Variants in PTPRD observed in about 807,000 individuals in gnomAD.
PTPRD encodes protein tyrosine phosphatase receptor type D.
A neutral mutation model predicts 214.5 loss-of-function variants in PTPRD; 34 were observed. That is an observed-to-expected ratio of 0.16 (90% CI 0.12 to 0.21). The LOEUF (loss-of-function observed/expected upper bound fraction) is 0.21. Ranked by LOEUF, PTPRD falls within the 10% of genes least tolerant of loss-of-function variation. The probability of loss-of-function intolerance (pLI) is 1.00; values close to 1 mark genes in which losing one functional copy is unlikely to be tolerated. For missense variants in PTPRD, 2,545 were observed against 2,398.7 expected, an observed-to-expected ratio of 1.06 and a Z score of -1.27; for synonymous variants, 1,128 against 845.7, an observed-to-expected ratio of 1.33 and a Z score of -5.79.
chr9:9,237,018 TG>T (rs2099967243), intron 9 of PTPRD, among the ~76,000 whole-genome samples: 1 of 152,214 alleles, frequency 6.6e-6, no homozygotes, highest in African/African-American at 2.4e-5. Flanking sequence ...GATATAACTT[TG>T]GTTCTTATTT....
intron 11 of PTPRD, among the ~76,000 whole-genome samples, chr9:8,906,725 T>TA (rs1354443619): frequency 2.0e-5 from 3 of 151,976 alleles, no homozygotes; most frequent in African/African-American, 7.3e-5. Flanking sequence ...ACAATTCTAT[T>TA]ATGTTGGGGA....
At chr9:9,345,728 C>T (rs546999516) in intron 9 of PTPRD, among the ~76,000 whole-genome samples, 1 of 152,108 alleles carries the variant, frequency 6.6e-6, no homozygotes, top group South Asian at 2.1e-4. Context: ...TCTTGGATTA[C>T]TCAAACATTC....
intron 11 of PTPRD, among the ~76,000 whole-genome samples, chr9:8,743,346 G>A (rs778845993): frequency 2.0e-5 from 3 of 152,130 alleles, no homozygotes; most frequent in Non-Finnish European, 4.4e-5. Context: ...GAATGAAGCT[G>A]TTAAATGGAA....
intron 8 of PTPRD, among the ~76,000 whole-genome samples, chr9:9,475,579 T>C (rs2094963636): frequency 6.6e-6 from 1 of 152,208 alleles, no homozygotes; most frequent in African/African-American, 2.4e-5. Flanking sequence ...CTTTTTTCTG[T>C]CACCCTTGCT....
intron 3 of PTPRD, among the ~76,000 whole-genome samples, chr9:10,288,936 C>A (rs971169061): frequency 6.6e-6 from 1 of 151,866 alleles, no homozygotes; most frequent in African/African-American, 2.4e-5. Context: ...ACTATATAAT[C>A]GGCATCAATA....
chr9:8,801,419 G>C (rs2096568006), intron 11 of PTPRD, among the ~76,000 whole-genome samples: 1 of 152,156 alleles, frequency 6.6e-6, no homozygotes, highest in Non-Finnish European at 1.5e-5. Flanking sequence ...TGAAATAAGG[G>C]TTGCCCATCA....
chr9:9,397,015 G>A (rs535747446), intron 9 of PTPRD, among the ~76,000 whole-genome samples: 6 of 152,104 alleles, frequency 3.9e-5, no homozygotes, highest in Middle Eastern at 3.4e-3. Context: ...AATTATGTAA[G>A]CTAAGGAATG....
intron 7 of PTPRD, among the ~76,000 whole-genome samples, chr9:9,726,954 A>G (rs2098105250): frequency 6.6e-6 from 1 of 152,180 alleles, no homozygotes; most frequent in South Asian, 2.1e-4. Flanking sequence ...ACAATAACAA[A>G]CAGAGAATAA....
At chr9:9,738,414 T>G (rs1418914614) in intron 6 of PTPRD, among the ~76,000 whole-genome samples, 1 of 149,512 alleles carries the variant, frequency 6.7e-6, no homozygotes, top group South Asian at 2.1e-4. Context: ...TGGAGAAATA[T>G]GTATTAAAAT....
chr9:9,398,117 C>G (rs1172813068), intron 8 of PTPRD, among the ~76,000 whole-genome samples: 2 of 141,928 alleles, frequency 1.4e-5, no homozygotes, highest in African/African-American at 5.0e-5. Flanking sequence ...CTCCCTGCTT[C>G]TCTTTCTCCC....
At chr9:9,064,664 T>A (rs1483129576) in intron 10 of PTPRD, among the ~76,000 whole-genome samples, 1 of 152,222 alleles carries the variant, frequency 6.6e-6, no homozygotes, top group Non-Finnish European at 1.5e-5. Context: ...GACTCCGAAC[T>A]GAATACTGTT....
chr9:8,369,651 G>C (rs2080934741), intron 39 of PTPRD, among the ~76,000 whole-genome samples: 1 of 151,750 alleles, frequency 6.6e-6, no homozygotes, highest in Non-Finnish European at 1.5e-5. Context: ...ATCAATTCAG[G>C]AGTTGTGATC....
chr9:8,417,618 A>C (rs1046936833), intron 35 of PTPRD, among the ~76,000 whole-genome samples: 9 of 152,182 alleles, frequency 5.9e-5, no homozygotes, highest in Non-Finnish European at 1.3e-4. Flanking sequence ...ACATAACCAT[A>C]GTTTACTGAG....
chr9:9,475,163 T>C (rs1589366052), intron 8 of PTPRD, among the ~76,000 whole-genome samples: 1 of 152,210 alleles, frequency 6.6e-6, no homozygotes, highest in Admixed American at 6.5e-5. Context: ...CAATACTACT[T>C]ATGTTTACTA....
intron 14 of PTPRD, among the ~76,000 whole-genome samples, chr9:8,627,483 T>A (rs2096080518): frequency 6.6e-6 from 1 of 151,926 alleles, no homozygotes. Context: ...AACACTCGCA[T>A]GAGTTGATGT....
intron 5 of PTPRD, among the ~76,000 whole-genome samples, chr9:9,794,961 A>G (rs1397132250): frequency 2.6e-5 from 4 of 152,226 alleles, no homozygotes; most frequent in Non-Finnish European, 5.9e-5. Context: ...ACAGGTCTAA[A>G]TGAATGAGGG....
rs951115431 is a variant in PTPRD, at chr9:10,020,190, G to C, written c.-472+13528C>G. ...TTATAACCAAACAGTATTTTTAAAA[G>C]TTACTATTTTATTTGGACATTGTTT... On this transcript the variant is annotated intron_variant, in intron 4 of 45. Transcript: ENST00000381196. 3.9e-5 allele frequency among the ~76,000 whole-genome samples: 6 copies of C among 152,196 alleles called. 1 individual carries two copies. Among genetic ancestry groups the C allele is most frequent in the African/African-American group, 1.4e-4 (6 of 41,524 alleles).
At chr9:9,741,625 G>A (rs1215801344) in intron 6 of PTPRD, among the ~76,000 whole-genome samples, 1 of 152,072 alleles carries the variant, frequency 6.6e-6, no homozygotes, top group Non-Finnish European at 1.5e-5. Flanking sequence ...ACCCTGACAG[G>A]CCCCAGTGTG....
At chr9:10,230,391 GCTAT>G (rs1277805270) in intron 3 of PTPRD, among the ~76,000 whole-genome samples, 1 of 150,566 alleles carries the variant, frequency 6.6e-6, no homozygotes, top group Non-Finnish European at 1.5e-5. Context: ...TACCAAAACA[GCTAT>G]CTATCTCTCT....
Sources: gnomAD v4.1 joint callset for allele counts (sites outside exome capture counted in the v4.1 genomes callset) on GRCh38, gnomAD v4.1.1 for gene constraint, MANE v1.5 for transcripts, NCBI Gene and HGNC (gene_info 2026-07-23, HGNC 2026-07-21) for gene names.